The following MAP3K20 variants were observed in gnomAD, a reference collection of about 807,000 sequenced individuals.
MAP3K20 encodes mitogen-activated protein kinase kinase kinase 20, also known as HCCS-4.
In MAP3K20, 40 loss-of-function variants were observed where a neutral mutation model predicts 85.7. The ratio of observed to expected loss-of-function variants is 0.47; its 90% CI spans 0.36 to 0.61. The LOEUF (loss-of-function observed/expected upper bound fraction) is 0.61, where lower values mean the gene tolerates loss of function less well. Among genes scored for constraint, MAP3K20 ranks in the 20% least tolerant of loss-of-function variants. MAP3K20 has a pLI of 0.00. For synonymous variants in MAP3K20, 325 were observed against 327.7 expected, an observed-to-expected ratio of 0.99 and a Z score of 0.09; for missense variants, 817 against 961.7, an observed-to-expected ratio of 0.85 and a Z score of 1.99.
chr2:173,262,020 GA>G (rs34274087), intron 18 of MAP3K20, among the ~76,000 whole-genome samples: 25,102 of 138,720 alleles, frequency 0.18, 2,154 homozygotes, highest in Middle Eastern at 0.26. Flanking sequence ...CCTGTCTCCA[GA>G]AAAAAAAAAA....
chr2:173,088,153 G>C (rs1312208809), intron 1 of MAP3K20, among the ~76,000 whole-genome samples: 1 of 152,186 alleles, frequency 6.6e-6, no homozygotes, highest in Admixed American at 6.5e-5. Flanking sequence ...AATGTGTTAG[G>C]AGTGTAAAAA....
Position 173,266,300 on chromosome 2 carries a change from T to C in MAP3K20, c.1953T>C (p.His651=). 6.2e-7 allele frequency: 1 copy of C among 1,614,022 alleles called. No homozygotes were observed. Among genetic ancestry groups the C allele is most frequent in the Non-Finnish European group, 8.5e-7 (1 of 1,180,006 alleles). ...YGLTKNFSSL[H]LNSRDSGFSS... ...TGACCAAAAACTTCTCTTCCCTACA[T>C]CTCAACTCTAGGGACAGTGGCTTTT... is the stretch of plus-strand genomic sequence containing the variant. Residue 651 remains histidine, a synonymous_variant, in exon 20 of 20, where the codon CAT becomes CAC. Coordinates refer to ENST00000375213, the MANE Select transcript of MAP3K20 (RefSeq NM_016653.3).
At chr2:173,217,387 C>A in intron 11 of MAP3K20, 137 bp downstream of exon 11, 1 of 1,047,846 alleles carries the variant, frequency 9.5e-7, no homozygotes, top group Non-Finnish European at 1.3e-6. Flanking sequence ...TATTAAAGGG[C>A]CCGCGTGTGG....
intron 2 of MAP3K20, among the ~76,000 whole-genome samples, chr2:173,164,880 A>G (rs775055866): frequency 6.6e-6 from 1 of 152,164 alleles, no homozygotes; most frequent in African/African-American, 2.4e-5. Context: ...ACTTATAGAA[A>G]TGCCGATAAA....
intron 3 of MAP3K20, among the ~76,000 whole-genome samples, chr2:173,180,894 A>G (rs1574084022): frequency 1.3e-5 from 2 of 152,336 alleles, no homozygotes; most frequent in East Asian, 3.9e-4. Flanking sequence ...AGAAATTGGA[A>G]TTTATAAAAA....
intron 10 of MAP3K20, 129 bp downstream of exon 10, chr2:173,209,964 GT>G (rs749786998): frequency 1.3e-5 from 11 of 840,804 alleles, no homozygotes; most frequent in East Asian, 2.6e-5. Context: ...AAAAGAAAAG[GT>G]TTTTTTTATG....
intron 2 of MAP3K20, among the ~76,000 whole-genome samples, chr2:173,110,165 A>G (rs1434743408): frequency 2.1e-5 from 3 of 140,540 alleles, no homozygotes; most frequent in East Asian, 2.0e-4. Flanking sequence ...AACTTGATAT[A>G]TATAAATAAT....
intron 2 of MAP3K20, among the ~76,000 whole-genome samples, chr2:173,146,756 CTT>C (rs1377070189): frequency 6.6e-6 from 1 of 152,190 alleles, no homozygotes; most frequent in Non-Finnish European, 1.5e-5. Context: ...CATGGTAACT[CTT>C]TAATTCTTTA....
intron 2 of MAP3K20, among the ~76,000 whole-genome samples, chr2:173,153,419 C>G (rs1217960278): frequency 6.6e-6 from 1 of 152,198 alleles, no homozygotes; most frequent in African/African-American, 2.4e-5. Flanking sequence ...CATGTCTCTG[C>G]TGACACCCAT....
chr2:173,217,305 T>A, intron 11 of MAP3K20, 55 bp downstream of exon 11: 1 of 1,400,308 alleles, frequency 7.1e-7, no homozygotes, highest in South Asian at 2.0e-5. Flanking sequence ...GCTGCGCAGC[T>A]GAGCATGGCA....
chr2:173,253,944 G>A (rs768642395), intron 16 of MAP3K20, among the ~76,000 whole-genome samples: 4 of 151,930 alleles, frequency 2.6e-5, no homozygotes, highest in Non-Finnish European at 5.9e-5. Flanking sequence ...GGTGACACAC[G>A]CCTGTGGTCC....
chr2:173,130,773 T>C (rs572362925), intron 2 of MAP3K20, among the ~76,000 whole-genome samples: 1 of 152,320 alleles, frequency 6.6e-6, no homozygotes, highest in South Asian at 2.1e-4. Context: ...GGACACTGTC[T>C]AGTAGATAAA....
intron 2 of MAP3K20, among the ~76,000 whole-genome samples, chr2:173,123,309 C>A (rs1199432084): frequency 1.3e-5 from 2 of 152,144 alleles, no homozygotes; most frequent in Non-Finnish European, 2.9e-5. Context: ...TCCCAGCATT[C>A]TTTATCTAAC....
At chr2:173,135,267 A>G (rs1337197439) in intron 2 of MAP3K20, among the ~76,000 whole-genome samples, 1 of 152,240 alleles carries the variant, frequency 6.6e-6, no homozygotes, top group South Asian at 2.1e-4. Flanking sequence ...GTCCTATTCA[A>G]TACTTCCATT....
At chr2:173,256,176 G>A (rs904178369) in intron 16 of MAP3K20, among the ~76,000 whole-genome samples, 14 of 152,324 alleles carry the variant, frequency 9.2e-5, no homozygotes, top group Admixed American at 5.2e-4. Context: ...TGTTGAAGCC[G>A]ACAGGCTTTC....
At chr2:173,135,171 C>T (rs1039385031) in intron 2 of MAP3K20, among the ~76,000 whole-genome samples, 6 of 152,032 alleles carry the variant, frequency 3.9e-5, no homozygotes, top group African/African-American at 7.2e-5. Context: ...AAAAAGTTTC[C>T]GTATACAAAT....
chr2:173,209,684 CTTTCT>C (rs754640122), intron 9 of MAP3K20, 40 bp from the exon 10 acceptor site: 31 of 1,526,346 alleles, frequency 2.0e-5, no homozygotes, highest in South Asian at 9.9e-5. Flanking sequence ...TAAATATCTC[CTTTCT>C]TAAGTCCCAG....
chr2:173,224,154 G>A, intron 11 of MAP3K20: 1 of 858,396 alleles, frequency 1.2e-6, no homozygotes, highest in Non-Finnish European at 1.4e-6. Context: ...AGCCGGGAAG[G>A]AGGACAAGGC....
intron 1 of MAP3K20, among the ~76,000 whole-genome samples, chr2:173,085,830 C>G (rs1220187325): frequency 9.4e-6 from 1 of 105,982 alleles, no homozygotes; most frequent in African/African-American, 3.6e-5. Flanking sequence ...GAGCCTTGCT[C>G]TGTTGTCCAG....
Sources: gnomAD v4.1 joint callset for allele counts (sites outside exome capture counted in the v4.1 genomes callset) on GRCh38, gnomAD v4.1.1 for gene constraint, MANE v1.5 for transcripts, NCBI Gene and HGNC (gene_info 2026-07-23, HGNC 2026-07-21) for gene names.